Variants in HYCC1 observed in about 807,000 individuals in gnomAD.
HYCC1 encodes the protein hyccin PI4KA lipid kinase complex subunit 1, also known as hyccin.
the HYCC1 span, among the ~76,000 whole-genome samples, chr7:22,898,622 A>G: frequency 8.8e-6 from 1 of 113,764 alleles, no homozygotes; most frequent in African/African-American, 3.5e-5. Flanking sequence ...TTTTTTTTTG[A>G]GACAGAGCCT....
At chr7:22,955,012 A>G in the HYCC1 span, among the ~76,000 whole-genome samples, 3 of 151,584 alleles carry the variant, frequency 2.0e-5, no homozygotes, top group African/African-American at 7.2e-5. Context: ...GATTGAAACA[A>G]TAACAACATT....
chr7:22,915,955 A>C, the HYCC1 span, among the ~76,000 whole-genome samples: 5 of 151,834 alleles, frequency 3.3e-5, no homozygotes, highest in Admixed American at 2.0e-4. Context: ...CCCAAATTCA[A>C]AGCCTCCTTC....
At chr7:22,950,768 CCTTT>C in the HYCC1 span, among the ~76,000 whole-genome samples, 2 of 151,646 alleles carry the variant, frequency 1.3e-5, no homozygotes, top group South Asian at 4.2e-4. Context: ...AGAACTTAAT[CCTTT>C]CTTTAAGAAA....
At chr7:22,946,091 G>A in the HYCC1 span, 528 of 1,613,422 alleles carry the variant, frequency 3.3e-4, 1 homozygote, top group African/African-American at 6.3e-3. Context: ...ACTAGACGCA[G>A]CCCTGGAATA....
At chr7:23,013,412 T>A in the HYCC1 span, among the ~76,000 whole-genome samples, 1 of 152,220 alleles carries the variant, frequency 6.6e-6, no homozygotes, top group Middle Eastern at 3.2e-3. Context: ...GTGACCATTG[T>A]GGCCACCAGA....
At chr7:22,932,068 G>A in the HYCC1 span, among the ~76,000 whole-genome samples, 271 of 152,242 alleles carry the variant, frequency 1.8e-3, 1 homozygote, top group African/African-American at 5.9e-3. Context: ...CACCAAAGGC[G>A]TGGTGGACAA....
chr7:22,933,078 G>T, the HYCC1 span, among the ~76,000 whole-genome samples: 3 of 152,034 alleles, frequency 2.0e-5, no homozygotes, highest in African/African-American at 7.2e-5. Context: ...CCTTCAAAGG[G>T]GATATTTTCC....
chr7:22,949,143 A>G, the HYCC1 span, among the ~76,000 whole-genome samples: 1 of 152,134 alleles, frequency 6.6e-6, no homozygotes, highest in African/African-American at 2.4e-5. Context: ...AGCTAAGCAT[A>G]GGCCTAATAG....
the HYCC1 span, among the ~76,000 whole-genome samples, chr7:22,927,515 C>A: frequency 2.6e-5 from 4 of 152,164 alleles, no homozygotes; most frequent in South Asian, 8.3e-4. Context: ...CACCACCAAT[C>A]CCACAGAAAT....
At chr7:22,998,536 C>T in the HYCC1 span, among the ~76,000 whole-genome samples, 4 of 152,040 alleles carry the variant, frequency 2.6e-5, no homozygotes, top group East Asian at 3.8e-4. Context: ...TTAGTAACTA[C>T]AGGCAAATTT....
the HYCC1 span, among the ~76,000 whole-genome samples, chr7:22,949,884 A>G: frequency 6.6e-6 from 1 of 152,118 alleles, no homozygotes; most frequent in Non-Finnish European, 1.5e-5. Flanking sequence ...GATACTTGTT[A>G]TCACTCAAAA....
the HYCC1 span, among the ~76,000 whole-genome samples, chr7:22,955,337 C>CTTAATTAATTAATTAA: frequency 6.6e-6 from 1 of 150,912 alleles, no homozygotes; most frequent in Admixed American, 6.6e-5. Context: ...CAAAACTGTT[C>CTTAATTAATTAATTAA]TTAATTAATA....
At chr7:22,968,465 C>A in the HYCC1 span, among the ~76,000 whole-genome samples, 11 of 152,276 alleles carry the variant, frequency 7.2e-5, no homozygotes, top group South Asian at 4.1e-4. Flanking sequence ...AGACCACCTA[C>A]CAGCTTGGAC....
the HYCC1 span, chr7:22,937,795 G>T: frequency 1.3e-5 from 2 of 152,200 alleles, no homozygotes; most frequent in African/African-American, 4.8e-5. Flanking sequence ...ACAATGTGAT[G>T]TGGATTATAT....
the HYCC1 span, chr7:23,014,067 C>T: frequency 2.1e-6 from 1 of 470,772 alleles, no homozygotes; most frequent in Non-Finnish European, 4.4e-6. Flanking sequence ...GGTGAGCCAT[C>T]TTCCCCCTCC....
At chr7:22,985,035 C>A in the HYCC1 span, among the ~76,000 whole-genome samples, 1 of 152,076 alleles carries the variant, frequency 6.6e-6, no homozygotes, top group Non-Finnish European at 1.5e-5. Context: ...AAAAACCTTT[C>A]CTTCTGGAGC....
the HYCC1 span, among the ~76,000 whole-genome samples, chr7:22,933,905 A>G: frequency 6.6e-6 from 1 of 152,172 alleles, no homozygotes; most frequent in Admixed American, 6.5e-5. Context: ...GATATGATAC[A>G]TTTTATAGTG....
At chr7:23,011,103 C>T in the HYCC1 span, among the ~76,000 whole-genome samples, 1 of 152,182 alleles carries the variant, frequency 6.6e-6, no homozygotes, top group Non-Finnish European at 1.5e-5. Context: ...AAAATCTCCC[C>T]GCCCTTGGCA....
the HYCC1 span, among the ~76,000 whole-genome samples, chr7:22,960,922 G>A: frequency 1.5e-4 from 23 of 152,194 alleles, no homozygotes; most frequent in East Asian, 5.8e-4. Context: ...ATGGTGGCAC[G>A]TGCCTGTAAT....
Sources: gnomAD v4.1 joint callset for allele counts (sites outside exome capture counted in the v4.1 genomes callset) on GRCh38, gnomAD v4.1.1 for gene constraint, MANE v1.5 for transcripts, NCBI Gene and HGNC (gene_info 2026-07-23, HGNC 2026-07-21) for gene names.